The following TSHZ3 variants were observed in gnomAD, a reference collection of about 807,000 sequenced individuals.
TSHZ3 encodes teashirt homolog 3.
Under a neutral mutation model 64.5 loss-of-function variants are expected in TSHZ3, and 10 were observed. That is an observed-to-expected ratio of 0.16 (90% CI 0.10 to 0.26). The LOEUF is 0.26. Ranked by LOEUF, TSHZ3 falls within the 10% of genes least tolerant of loss-of-function variation. The pLI is 1.00. For missense variants in TSHZ3, 1,242 were observed against 1,421.7 expected, an observed-to-expected ratio of 0.87 and a Z score of 2.03; for synonymous variants, 608 against 593.1, an observed-to-expected ratio of 1.03 and a Z score of -0.36.
At chr19:31,259,679 T>C (rs767328581) in intron 1 of TSHZ3, among the ~76,000 whole-genome samples, 17 of 152,006 alleles carry the variant, frequency 1.1e-4, no homozygotes, top group South Asian at 1.0e-3. Context: ...TAGGAGGTCA[T>C]GTTCTCCAGA....
chr19:31,315,707 G>A (rs1043649578), intron 1 of TSHZ3, among the ~76,000 whole-genome samples: 1 of 152,264 alleles, frequency 6.6e-6, no homozygotes, highest in African/African-American at 2.4e-5. Flanking sequence ...GAAAACAGCA[G>A]TGCTCCGAGG....
At chr19:31,187,027 A>C (rs969343844) in intron 5 of TSHZ3, among the ~76,000 whole-genome samples, 6 of 152,068 alleles carry the variant, frequency 3.9e-5, no homozygotes, top group African/African-American at 1.4e-4. Context: ...TTTTATTAAC[A>C]TGCAGTAAAT....
At chr19:31,189,315 T>C (rs1050061610) in intron 5 of TSHZ3, among the ~76,000 whole-genome samples, 6 of 152,000 alleles carry the variant, frequency 3.9e-5, no homozygotes, top group Non-Finnish European at 7.4e-5. Context: ...TTTTTTCTTA[T>C]ATTTTTAAGT....
At chr19:31,267,689 G>T (rs901708647) in intron 1 of TSHZ3, among the ~76,000 whole-genome samples, 1 of 151,796 alleles carries the variant, frequency 6.6e-6, no homozygotes, top group African/African-American at 2.4e-5. Context: ...GTCCCCACTC[G>T]CCCTTTGGAA....
chr19:31,175,476 T>C (rs1974594227), intron 5 of TSHZ3, among the ~76,000 whole-genome samples: 1 of 152,212 alleles, frequency 6.6e-6, no homozygotes, highest in Non-Finnish European at 1.5e-5. Context: ...TAATTGGTTT[T>C]AGAAGCATTG....
intron 4 of TSHZ3, among the ~76,000 whole-genome samples, chr19:31,217,142 T>C (rs1372383865): frequency 1.3e-5 from 2 of 152,110 alleles, no homozygotes; most frequent in Non-Finnish European, 2.9e-5. Context: ...CTATGACACA[T>C]CCAACCTGTG....
chr19:31,258,859 T>G (rs572180551), intron 1 of TSHZ3, among the ~76,000 whole-genome samples: 3 of 152,216 alleles, frequency 2.0e-5, no homozygotes, highest in Non-Finnish European at 2.9e-5. Flanking sequence ...TGCTGTTCAG[T>G]GGCCCATCGG....
At chr19:31,308,328 AT>A (rs1158274571) in intron 1 of TSHZ3, 1 of 227,154 alleles carries the variant, frequency 4.4e-6, no homozygotes, top group African/African-American at 2.3e-5. Flanking sequence ...GAACTGAGAG[AT>A]ATTACTGCAA....
chr19:31,275,723 A>G lies in TSHZ3; in HGVS notation c.*824T>C, dbSNP rs1474410993. 6.6e-6 allele frequency: 1 copy of G among 152,632 alleles called. No homozygotes were observed. The highest frequency in any genetic ancestry group is 1.5e-5 in the Non-Finnish European group (1 of 68,036). 9.5% of individuals were successfully genotyped at this position (152,632 alleles called of 1,614,324 possible). A position where few individuals can be genotyped will look rare whatever the true frequency, so the allele number is the denominator to read the frequency against. On this transcript the variant is annotated 3_prime_UTR_variant, in exon 2 of 2. Coordinates refer to ENST00000240587, the MANE Select transcript of TSHZ3 (RefSeq NM_020856.4). ...CTTTGCTTTCAGATAATGTTTCTGT[A>G]TACTTTATAAATGCTATCTGTGGTA...
At chr19:31,329,676 C>A (rs1008623664) in intron 1 of TSHZ3, among the ~76,000 whole-genome samples, 2 of 152,202 alleles carry the variant, frequency 1.3e-5, no homozygotes, top group Admixed American at 1.3e-4. Flanking sequence ...TCGGAAGATG[C>A]ATTATTTATG....
intron 4 of TSHZ3, among the ~76,000 whole-genome samples, chr19:31,206,087 GGATGGATGGA>G (rs1599582465): frequency 2.6e-5 from 3 of 113,294 alleles, no homozygotes; most frequent in East Asian, 4.1e-4. Context: ...ATGGATGGAT[GGATGGATGGA>G]TGGATGGATG....
At chr19:31,196,371 A>G (rs1283268640) in intron 5 of TSHZ3, among the ~76,000 whole-genome samples, 1 of 152,026 alleles carries the variant, frequency 6.6e-6, no homozygotes, top group African/African-American at 2.4e-5. Context: ...TTTTTCAGTT[A>G]AAATCACAAA....
At chr19:31,263,758 A>G (rs552322055) in intron 1 of TSHZ3, among the ~76,000 whole-genome samples, 1 of 152,316 alleles carries the variant, frequency 6.6e-6, no homozygotes, top group East Asian at 1.9e-4. Flanking sequence ...GCAATGAGGC[A>G]ATTAATGAGC....
At chr19:31,345,326 C>T (rs1917556310) in intron 1 of TSHZ3, among the ~76,000 whole-genome samples, 1 of 152,212 alleles carries the variant, frequency 6.6e-6, no homozygotes, top group African/African-American at 2.4e-5. Flanking sequence ...CCGAAATGCC[C>T]TTCTGAATGC....
At position 31,227,318 on chromosome 19, in the gene TSHZ3, C is replaced by T. The variant is rs191448540; in HGVS notation, n.686+687G>A. ...AAAATTGTCTGGTCATATGACAGAT[C>T]TACCCAGAATCAGATTGGTATAAAG... On this transcript the variant is annotated intron_variant and non_coding_transcript_variant, in intron 4 of 6. Transcript: ENST00000651361. Among the ~76,000 whole-genome samples the T allele has an allele frequency of 1.9e-3, 291 of 152,114 alleles. 1 individual carries two copies. Among genetic ancestry groups the T allele is most frequent in the Admixed American group, 3.2e-3 (49 of 15,272 alleles).
Position 31,279,313 on chromosome 19 carries a change from A to G in TSHZ3, c.480T>C (p.Cys160=), listed in dbSNP as rs1976318245. 6.2e-7 allele frequency: 1 copy of G among 1,613,794 alleles called. No individual in the cohort carries two copies. The change falls in exon 2 of 2, where the codon TGT becomes TGC. Residue 160 remains cysteine (C), a synonymous_variant. Coordinates refer to ENST00000240587, the MANE Select transcript of TSHZ3 (RefSeq NM_020856.4). This position sits in a 1 kb window ranked among gnomAD's most constrained non-coding sequence, Gnocchi z 6.4. ...GGTGCCAGTCGAAGCTCCCGCTGCC[A>G]CAGCTGCTGCTGCTGCTACTGCTGC... ...SSSSSSSSSS[C]GSGSFDWHQS... is the part of the protein sequence containing the mutation.
At chr19:31,226,462 G>A (rs1321474698) in intron 4 of TSHZ3, among the ~76,000 whole-genome samples, 2 of 152,068 alleles carry the variant, frequency 1.3e-5, no homozygotes, top group Non-Finnish European at 2.9e-5. Context: ...ACTATGTAAG[G>A]TGTGCCTTTT....
At chr19:31,267,586 G>C (rs947398291) in intron 1 of TSHZ3, among the ~76,000 whole-genome samples, 1 of 152,052 alleles carries the variant, frequency 6.6e-6, no homozygotes, top group Non-Finnish European at 1.5e-5. Flanking sequence ...TTTCTTTCAA[G>C]GGTCTCTCTG....
intron 4 of TSHZ3, among the ~76,000 whole-genome samples, chr19:31,212,488 A>G (rs567960395): frequency 6.6e-6 from 1 of 152,248 alleles, no homozygotes; most frequent in East Asian, 1.9e-4. Flanking sequence ...AAAAATAAAA[A>G]GCAAAAGGCT....
Sources: gnomAD v4.1 joint callset for allele counts (sites outside exome capture counted in the v4.1 genomes callset) on GRCh38, gnomAD v4.1.1 for gene constraint, Gnocchi (gnomAD v3.1) non-coding constraint, MANE v1.5 for transcripts, NCBI Gene and HGNC (gene_info 2026-07-23, HGNC 2026-07-21) for gene names.